Variants in NMNAT2 observed in about 807,000 individuals in gnomAD.
NMNAT2 encodes nicotinamide nucleotide adenylyltransferase 2, also known as nicotinamide/nicotinic acid mononucleotide adenylyltransferase 2.
Under a neutral mutation model 41.6 loss-of-function variants are expected in NMNAT2, and 11 were observed. The observed-to-expected ratio is 0.26, with a 90% confidence interval of 0.17 to 0.44. NMNAT2 has a LOEUF of 0.44. Ranked by LOEUF, NMNAT2 falls within the 20% of genes least tolerant of loss-of-function variation. The pLI is 1.00. For missense variants in NMNAT2, 288 were observed against 407.7 expected (o/e 0.71, Z 2.53); for synonymous variants, 148 against 151.2 (o/e 0.98, Z 0.16).
chr1:183,380,601 G>A (rs1462279499), intron 1 of NMNAT2, among the ~76,000 whole-genome samples: 3 of 152,146 alleles, frequency 2.0e-5, no homozygotes, highest in Non-Finnish European at 4.4e-5. Flanking sequence ...ATTCTGACTG[G>A]ACAGATAATG....
intron 1 of NMNAT2, among the ~76,000 whole-genome samples, chr1:183,402,488 A>T (rs963816630): frequency 7.9e-5 from 12 of 152,188 alleles, no homozygotes; most frequent in African/African-American, 2.7e-4. Flanking sequence ...TACACTTCAG[A>T]ATACTGACTT....
chr1:183,375,863 G>A (rs148815118), intron 1 of NMNAT2, among the ~76,000 whole-genome samples: 2 of 152,226 alleles, frequency 1.3e-5, no homozygotes, highest in Admixed American at 1.3e-4. Flanking sequence ...TCATAATTAG[G>A]TTATTGATCA....
intron 1 of NMNAT2, among the ~76,000 whole-genome samples, chr1:183,375,839 T>G (rs1210896069): frequency 6.6e-6 from 1 of 152,228 alleles, no homozygotes; most frequent in East Asian, 1.9e-4. Flanking sequence ...CTCTGTTCTC[T>G]TGGCACTGTG....
At chr1:183,403,447 C>G (rs564175346) in intron 1 of NMNAT2, among the ~76,000 whole-genome samples, 64 of 151,600 alleles carry the variant, frequency 4.2e-4, no homozygotes, top group Middle Eastern at 6.8e-3. Flanking sequence ...ACAACCCCCC[C>G]CCCCAAAAAA....
rs138709931 is a variant in NMNAT2, at chr1:183,356,215, G to C, written c.85+61968C>G. Among the ~76,000 whole-genome samples, 54 of 152,326 alleles carry C rather than the reference G, an allele frequency of 3.5e-4. 1 individual carries two copies. In the East Asian group the frequency reaches 0.01, roughly 29 times the overall value. ...GAGCATTAATGACATTAAGTATTTT[G>C]TTTTACATTCCTCCTTTAGTAGTGG... On this transcript the variant is annotated intron_variant, in intron 1 of 10. Transcript: ENST00000287713.
rs953117606 is a variant in NMNAT2, at chr1:183,386,046, C to T, written c.85+32137G>A. ...AGAGAAGAGACATAAAAACTGAGACCGGACGCTACTTGGGAGGACTGTGCT... is the reference window on the plus strand; with the variant it reads ...AGAGAAGAGACATAAAAACTGAGACTGGACGCTACTTGGGAGGACTGTGCT... On this transcript the variant is annotated intron_variant, in intron 1 of 10. Transcript: ENST00000287713. 4.6e-5 allele frequency among the ~76,000 whole-genome samples: 7 copies of T among 152,068 alleles called. No homozygotes were observed. In the South Asian group the frequency reaches 8.3e-4, roughly 18 times the overall value.
At chr1:183,394,703 TA>T (rs2101923266) in intron 1 of NMNAT2, among the ~76,000 whole-genome samples, 1 of 152,320 alleles carries the variant, frequency 6.6e-6, no homozygotes, top group African/African-American at 2.4e-5. Context: ...ACAGCGAGAT[TA>T]GGGGCATAGC....
At chr1:183,405,998 T>C (rs1408406072) in intron 1 of NMNAT2, among the ~76,000 whole-genome samples, 1 of 152,226 alleles carries the variant, frequency 6.6e-6, no homozygotes, top group Non-Finnish European at 1.5e-5. Context: ...TAGCAGTTAG[T>C]CCACCAAATG....
At chr1:183,398,502 C>T (rs552014138) in intron 1 of NMNAT2, among the ~76,000 whole-genome samples, 7 of 152,208 alleles carry the variant, frequency 4.6e-5, no homozygotes, top group South Asian at 4.1e-4. Context: ...GACAGATCAA[C>T]GAGACAGGAA....
intron 1 of NMNAT2, among the ~76,000 whole-genome samples, chr1:183,299,881 C>A (rs1661803005): frequency 6.6e-6 from 1 of 152,166 alleles, no homozygotes. Flanking sequence ...TCAATGTTCT[C>A]ATTTCGATAT....
intron 1 of NMNAT2, among the ~76,000 whole-genome samples, chr1:183,307,954 C>T (rs968415834): frequency 3.9e-5 from 6 of 152,218 alleles, no homozygotes; most frequent in Middle Eastern, 3.4e-3. Context: ...GGGCAGATTT[C>T]GACGGACTTT....
At chr1:183,341,734 A>AAC (rs1662814591) in intron 1 of NMNAT2, among the ~76,000 whole-genome samples, 1 of 139,800 alleles carries the variant, frequency 7.2e-6, no homozygotes, top group African/African-American at 2.6e-5. Context: ...CCAAAAAAAA[A>AAC]AAAAAAAAAA....
chr1:183,280,862 C>T (rs772722213), intron 7 of NMNAT2, among the ~76,000 whole-genome samples: 20 of 133,756 alleles, frequency 1.5e-4, no homozygotes, highest in African/African-American at 4.2e-4. Context: ...TCCGGCTCAC[C>T]GCAACCTCCG....
rs115019460 is a variant in NMNAT2, at chr1:183,272,260, G to C, written c.651+6293C>G. 4.7e-3 allele frequency among the ~76,000 whole-genome samples: 709 copies of C among 152,282 alleles called. 5 individuals are homozygous for C. The highest frequency in any genetic ancestry group is 0.016 in the African/African-American group (648 of 41,566). On this transcript the variant is annotated intron_variant, in intron 8 of 10. Coordinates refer to ENST00000287713, the MANE Select transcript of NMNAT2 (RefSeq NM_015039.4). ...TGCCTGGATGCCTGCATTGATGCTG[G>C]TGTCAGGATGCAGCAAAGCAAAGGA...
intron 1 of NMNAT2, among the ~76,000 whole-genome samples, chr1:183,393,489 C>G (rs74804365): frequency 1.3e-5 from 2 of 150,306 alleles, no homozygotes; most frequent in African/African-American, 4.9e-5. Flanking sequence ...AAAAAAAAAA[C>G]AGCTTGCTGT....
intron 1 of NMNAT2, among the ~76,000 whole-genome samples, chr1:183,370,062 C>T (rs1048068876): frequency 2.6e-5 from 4 of 152,016 alleles, no homozygotes; most frequent in African/African-American, 7.3e-5. Context: ...TTTTCCTTAA[C>T]GCCTCCTGCA....
intron 1 of NMNAT2, among the ~76,000 whole-genome samples, chr1:183,411,028 TTCTC>T (rs1199320754): frequency 6.6e-6 from 1 of 151,996 alleles, no homozygotes; most frequent in Non-Finnish European, 1.5e-5. Flanking sequence ...AAGAATGCCT[TTCTC>T]TATTCTGTCC....
intron 1 of NMNAT2, among the ~76,000 whole-genome samples, chr1:183,358,484 T>C (rs1458873919): frequency 6.6e-6 from 1 of 152,174 alleles, no homozygotes; most frequent in African/African-American, 2.4e-5. Context: ...CATGATTTTC[T>C]GAGCTGAGCC....
Position 183,342,024 on chromosome 1 carries a change from T to A in NMNAT2, c.86-48231A>T, listed in dbSNP as rs1016925251. Among the ~76,000 whole-genome samples the A allele has an allele frequency of 4.8e-3, 173 of 35,804 alleles. 2 individuals are homozygous for A. The highest frequency in any genetic ancestry group is 0.025 in the Admixed American group (76 of 3,010). The allele number at this position is 35,804 out of a possible 152,430, so 23.5% of individuals were successfully genotyped here. On this transcript the variant is annotated intron_variant, in intron 1 of 10. Coordinates refer to ENST00000287713, the MANE Select transcript of NMNAT2 (RefSeq NM_015039.4). ...TTGTCTTTATCTTCCTTCCTCACCTTTTTTTTTTTTTTTTTTTACCAACCC... is the reference window on the plus strand; with the variant it reads ...TTGTCTTTATCTTCCTTCCTCACCTATTTTTTTTTTTTTTTTTACCAACCC...
Sources: gnomAD v4.1 joint callset for allele counts (sites outside exome capture counted in the v4.1 genomes callset) on GRCh38, gnomAD v4.1.1 for gene constraint, MANE v1.5 for transcripts, NCBI Gene and HGNC (gene_info 2026-07-23, HGNC 2026-07-21) for gene names.